Variants in ANK2 observed in about 807,000 individuals in gnomAD.
The protein encoded by ANK2 is ankyrin-2.
A neutral mutation model predicts 360.5 loss-of-function variants in ANK2; 83 were observed. That is an observed-to-expected ratio of 0.23 (90% CI 0.19 to 0.28). The LOEUF is 0.28. Among genes scored for constraint, ANK2 ranks in the 10% least tolerant of loss-of-function variants. ANK2 has a pLI of 1.00. For synonymous variants in ANK2, 1,740 were observed against 1,759.5 expected, an observed-to-expected ratio of 0.99 and a Z score of 0.28; for missense variants, 4,201 against 4,795.7, an observed-to-expected ratio of 0.88 and a Z score of 3.66.
the ANK2 span, chr4:112,787,948 G>A: frequency 3.3e-6 from 2 of 612,558 alleles, no homozygotes. Context: ...CTCCATGTAT[G>A]ATCATTATAT....
chr4:113,255,849 C>G lies in ANK2; in HGVS notation c.1105C>G (p.Leu369Val). Residue 369 changes from leucine (L) to valine (V), a missense_variant, in exon 11 of 46, where the codon CTC (leucine) becomes GTC (valine). Physicochemically the swap from Leu to Val is conservative, Grantham distance 32. Around this residue, in one of 4 missense-constraint regions of ANK2, gnomAD observed 1,268 missense variants for 1,650.8 expected, o/e 0.77. Coordinates refer to ENST00000357077, the MANE Select transcript of ANK2 (RefSeq NM_001148.6). ...TGTCACCCTAGACTACCTGACAGCC[C>G]TCCACGTTGCTGCGCACTGTGGCCA... ...DDVTLDYLTA[L>V]HVAAHCGHYR... 1 of 1,614,222 alleles carries G rather than the reference C, an allele frequency of 6.2e-7. No homozygotes were observed. The highest frequency in any genetic ancestry group is 8.5e-7 in the Non-Finnish European group (1 of 1,180,038).
At chr4:113,293,640 G>C in intron 22 of ANK2, 102 bp downstream of exon 22, 2 of 1,136,688 alleles carry the variant, frequency 1.8e-6, no homozygotes, top group South Asian at 2.6e-5. Flanking sequence ...GGAGCTTTTA[G>C]TTTTGAACTT....
At chr4:113,322,774 T>G (rs1364883439) in intron 26 of ANK2, among the ~76,000 whole-genome samples, 1 of 152,212 alleles carries the variant, frequency 6.6e-6, no homozygotes, top group African/African-American at 2.4e-5. Flanking sequence ...AAAAATCATC[T>G]TGAAGGTATT....
At chr4:113,293,384 T>G in intron 21 of ANK2, 56 bp from the exon 22 acceptor site, 1 of 1,492,728 alleles carries the variant, frequency 6.7e-7, no homozygotes, top group Non-Finnish European at 9.3e-7. Flanking sequence ...GCTCATTGGC[T>G]CACATCGCAG....
At chr4:113,325,405 G>C (rs765978105) in intron 26 of ANK2, among the ~76,000 whole-genome samples, 4 of 152,130 alleles carry the variant, frequency 2.6e-5, no homozygotes, top group Non-Finnish European at 5.9e-5. Flanking sequence ...AGGCAACTTA[G>C]AGTCTATTTA....
At chr4:112,983,849 G>A (rs1011959422) in intron 2 of ANK2, among the ~76,000 whole-genome samples, 1 of 152,102 alleles carries the variant, frequency 6.6e-6, no homozygotes, top group African/African-American at 2.4e-5. Context: ...TCTCTTCATT[G>A]CACTTACATG....
chr4:113,218,505 T>C (rs889739545), intron 4 of ANK2, among the ~76,000 whole-genome samples: 7 of 152,048 alleles, frequency 4.6e-5, no homozygotes, highest in African/African-American at 1.4e-4. Flanking sequence ...CTTCATTTGA[T>C]TGGAGATTTA....
At chr4:112,974,144 G>T (rs896994116) in intron 2 of ANK2, among the ~76,000 whole-genome samples, 1 of 152,128 alleles carries the variant, frequency 6.6e-6, no homozygotes, top group African/African-American at 2.4e-5. Context: ...TGGGTGCAGT[G>T]GGTAGTGCTG....
Position 113,353,074 on chromosome 4 carries a change from G to A in ANK2, c.4456G>A (p.Val1486Ile), listed in dbSNP as rs149678604. 8 of 1,613,746 alleles carry A rather than the reference G, an allele frequency of 5.0e-6. No individual in the cohort carries two copies. In the Admixed American group the frequency reaches 1.3e-4, roughly 27 times the overall value. ...TGAGACAGAATCTACAGAAACATCT[G>A]TCCTGAAAAGTCACCTGGTTAATGA... Reference protein sequence around the residue: ...NDETESTETSVLKSHLVNEVP... With the variant: ...NDETESTETSILKSHLVNEVP... The change falls in exon 38 of 46, where the codon GTC becomes ATC. Residue 1486 changes from valine (V) to isoleucine (I), a missense_variant. By Grantham distance (29) the Val-to-Ile change is conservative (BLOSUM62 3). This residue lies in a region of ANK2 where 1,268 missense variants were observed against 1,650.8 expected (regional missense o/e 0.77). Transcript: ENST00000357077.
chr4:113,225,310 C>T (rs2099204201), intron 4 of ANK2, among the ~76,000 whole-genome samples: 1 of 152,028 alleles, frequency 6.6e-6, no homozygotes, highest in African/African-American at 2.4e-5. Flanking sequence ...TTAAATGATT[C>T]TATATAGATG....
At chr4:113,124,635 A>C (rs17045643) in intron 1 of ANK2, among the ~76,000 whole-genome samples, 2,167 of 152,276 alleles carry the variant, frequency 0.014, 60 homozygotes, top group African/African-American at 0.048. Context: ...ACTTTTTAGC[A>C]TGTACAGTTG....
At chr4:112,946,489 A>T (rs2094552779) in intron 2 of ANK2, among the ~76,000 whole-genome samples, 1 of 152,166 alleles carries the variant, frequency 6.6e-6, no homozygotes, top group Non-Finnish European at 1.5e-5. Flanking sequence ...GGAGTGTTTA[A>T]ATCAAATCAC....
chr4:112,807,261 C>A, the ANK2 span, among the ~76,000 whole-genome samples: 2 of 152,184 alleles, frequency 1.3e-5, no homozygotes, highest in Admixed American at 6.5e-5. Context: ...TATTAAAATA[C>A]CTGAAACTCA....
intron 22 of ANK2, among the ~76,000 whole-genome samples, chr4:113,294,135 T>C (rs367565098): frequency 6.6e-6 from 1 of 152,386 alleles, no homozygotes; most frequent in African/African-American, 2.4e-5. Context: ...TGAATACAAC[T>C]GCTGACTCTT....
intron 1 of ANK2, among the ~76,000 whole-genome samples, chr4:113,109,782 A>C (rs961454659): frequency 6.6e-6 from 1 of 152,062 alleles, no homozygotes; most frequent in African/African-American, 2.4e-5. Flanking sequence ...AGTTTGTTTC[A>C]GCAGTAGTGT....
At chr4:113,331,812 G>A (rs1461702944) in intron 27 of ANK2, among the ~76,000 whole-genome samples, 160 bp from the exon 28 acceptor site, 2 of 152,106 alleles carry the variant, frequency 1.3e-5, no homozygotes, top group African/African-American at 2.4e-5. Context: ...TCTGGGTCTC[G>A]GTTCCTTGCT....
intron 1 of ANK2, among the ~76,000 whole-genome samples, chr4:113,089,957 G>C (rs2086969019): frequency 6.6e-6 from 1 of 152,138 alleles, no homozygotes; most frequent in African/African-American, 2.4e-5. Flanking sequence ...ATAATATGTG[G>C]TATTTTTTAT....
At chr4:112,922,752 GTATTTAACC>G (rs2154220903) in intron 2 of ANK2, among the ~76,000 whole-genome samples, 1 of 152,214 alleles carries the variant, frequency 6.6e-6, no homozygotes, top group African/African-American at 2.4e-5. Flanking sequence ...TCTCAGTGTT[GTATTTAACC>G]TATTTAACTA....
intron 2 of ANK2, among the ~76,000 whole-genome samples, chr4:113,002,792 C>T (rs761570212): frequency 6.6e-6 from 1 of 152,194 alleles, no homozygotes; most frequent in Admixed American, 6.5e-5. Flanking sequence ...TGAGTGGGTC[C>T]TTGTCCATCT....
Sources: gnomAD v4.1 joint callset for allele counts (sites outside exome capture counted in the v4.1 genomes callset) on GRCh38, gnomAD v4.1.1 for gene constraint, gnomAD v4.1.1 regional missense constraint, MANE v1.5 for transcripts, NCBI Gene and HGNC (gene_info 2026-07-23, HGNC 2026-07-21) for gene names.